The following ZNF536 variants were observed in gnomAD, a reference collection of about 807,000 sequenced individuals.
ZNF536 encodes the protein zinc finger protein 536.
Under a neutral mutation model 84.5 loss-of-function variants are expected in ZNF536, and 13 were observed. That is an observed-to-expected ratio of 0.15 (90% CI 0.10 to 0.24). The LOEUF is 0.24. ZNF536 is among the 10% of genes least tolerant of loss of function. ZNF536 has a pLI of 1.00. For synonymous variants in ZNF536, 811 were observed against 742.5 expected, an observed-to-expected ratio of 1.09 and a Z score of -1.50; for missense variants, 1,536 against 1,747.5, an observed-to-expected ratio of 0.88 and a Z score of 2.16.
At chr19:30,544,114 G>C (rs2045448924) in intron 3 of ZNF536, among the ~76,000 whole-genome samples, 1 of 152,198 alleles carries the variant, frequency 6.6e-6, no homozygotes, top group Non-Finnish European at 1.5e-5. Context: ...AAGGGGAAGG[G>C]TTTATCCCCT....
intron 1 of ZNF536, among the ~76,000 whole-genome samples, chr19:30,696,411 T>A (rs768702817): frequency 6.6e-6 from 1 of 152,256 alleles, no homozygotes; most frequent in Non-Finnish European, 1.5e-5. Flanking sequence ...AGTATTATTA[T>A]ATTACACATC....
chr19:30,375,376 T>G (rs2048774191), intron 1 of ZNF536, among the ~76,000 whole-genome samples: 1 of 151,984 alleles, frequency 6.6e-6, no homozygotes. Flanking sequence ...CGCCGCATAG[T>G]AATCACCCGC....
intron 2 of ZNF536, among the ~76,000 whole-genome samples, chr19:30,517,902 G>A (rs1397188350): frequency 6.6e-6 from 1 of 152,144 alleles, no homozygotes; most frequent in Non-Finnish European, 1.5e-5. Flanking sequence ...CATGATTTGG[G>A]GGTGCAAACA....
intron 1 of ZNF536, among the ~76,000 whole-genome samples, chr19:30,667,539 G>A (rs2050378497): frequency 6.6e-6 from 1 of 151,578 alleles, no homozygotes; most frequent in African/African-American, 2.4e-5. Context: ...GTCCCCAATG[G>A]CCTGGATCAA....
At chr19:30,343,929 TA>T (rs200693963) in intron 2 of ZNF536, among the ~76,000 whole-genome samples, 2 of 151,214 alleles carry the variant, frequency 1.3e-5, no homozygotes, top group Non-Finnish European at 3.0e-5. Context: ...TTTCAGTCCT[TA>T]AAAAAAAACT....
intron 1 of ZNF536, among the ~76,000 whole-genome samples, chr19:30,439,983 CAG>C (rs1452501947): frequency 2.2e-5 from 2 of 90,494 alleles, no homozygotes; most frequent in Admixed American, 1.8e-4. Context: ...TTTTTTTTGA[CAG>C]AGTCTCGCTC....
At chr19:30,480,944 A>G (rs1599527362) in intron 2 of ZNF536, among the ~76,000 whole-genome samples, 1 of 151,030 alleles carries the variant, frequency 6.6e-6, no homozygotes, top group Non-Finnish European at 1.5e-5. Flanking sequence ...CTGAGGCAGG[A>G]GAGTCGCCCG....
At chr19:30,492,851 A>G (rs2054561903) in intron 2 of ZNF536, among the ~76,000 whole-genome samples, 1 of 152,188 alleles carries the variant, frequency 6.6e-6, no homozygotes, top group Admixed American at 6.5e-5. Flanking sequence ...CCCTATCAGG[A>G]CCAGGTTCAC....
chr19:30,500,649 G>C (rs1038722331), intron 2 of ZNF536, among the ~76,000 whole-genome samples: 20 of 148,104 alleles, frequency 1.4e-4, no homozygotes, highest in African/African-American at 1.8e-4. Flanking sequence ...CCCCAGGCTT[G>C]CTCCTGGTTC....
At chr19:30,235,511 A>G (rs2023422098) in intron 1 of ZNF536, among the ~76,000 whole-genome samples, 1 of 152,238 alleles carries the variant, frequency 6.6e-6, no homozygotes, top group African/African-American at 2.4e-5. Flanking sequence ...CTAACAAGTA[A>G]CTATAGAGAC....
chr19:30,443,910 G>A lies in ZNF536; in HGVS notation c.348G>A (p.Gln116=), dbSNP rs2148160020. 1 of 1,613,682 alleles carries A rather than the reference G, an allele frequency of 6.2e-7. No individual in the cohort carries two copies. The highest frequency in any genetic ancestry group is 1.1e-5 in the South Asian group (1 of 91,084). ...GGCAGAACCTGGGCATCATGTCCCAGATGAGCGACATCGAGGACGACGCCC... is the reference window on the plus strand; with the variant it reads ...GGCAGAACCTGGGCATCATGTCCCAAATGAGCGACATCGAGGACGACGCCC... ...LNGQNLGIMS[Q]MSDIEDDARK... Residue 116 remains glutamine (Q), a synonymous_variant, in exon 2 of 5, where the codon CAG becomes CAA. Coordinates refer to ENST00000355537, the MANE Select transcript of ZNF536 (RefSeq NM_014717.3).
rs1257172873 is a variant in ZNF536, at chr19:30,548,576, C to T, written c.2957C>T (p.Ser986Phe). The stretch of plus-strand genomic sequence containing the variant: ...TTGTCTGTGCGGCCAGATGCCGCCT[C>T]CCTCCCGGGCTCCTCGGTAACTGTG... Reference protein sequence around the residue: ...LDLSVRPDAASLPGSSVTVQD... With the variant: ...LDLSVRPDAAFLPGSSVTVQD... Residue 986 changes from serine to phenylalanine, a missense_variant, in exon 4 of 5, where the codon TCC (serine) becomes TTC (phenylalanine). Coordinates refer to ENST00000355537, the MANE Select transcript of ZNF536 (RefSeq NM_014717.3). 7 of 1,614,156 alleles carry T rather than the reference C, an allele frequency of 4.3e-6. No individual in the cohort carries two copies. Among genetic ancestry groups the T allele is most frequent in the Non-Finnish European group, 5.9e-6 (7 of 1,180,038 alleles).
intron 2 of ZNF536, among the ~76,000 whole-genome samples, chr19:30,519,252 T>C (rs2044220403): frequency 6.6e-6 from 1 of 152,188 alleles, no homozygotes; most frequent in Non-Finnish European, 1.5e-5. Flanking sequence ...CCACCAGCCT[T>C]GCTGCAAAAT....
intron 3 of ZNF536, among the ~76,000 whole-genome samples, chr19:30,542,044 A>G (rs1268727966): frequency 6.6e-6 from 1 of 152,242 alleles, no homozygotes; most frequent in Non-Finnish European, 1.5e-5. Context: ...GAGGATGCAA[A>G]TACAGGAAAA....
chr19:30,242,985 G>A (rs1046681410), intron 1 of ZNF536, among the ~76,000 whole-genome samples: 7 of 151,804 alleles, frequency 4.6e-5, no homozygotes, highest in African/African-American at 9.7e-5. Flanking sequence ...CATACATATC[G>A]TATTTCACAT....
intron 1 of ZNF536, among the ~76,000 whole-genome samples, chr19:30,256,929 A>G (rs1187590752): frequency 1.3e-5 from 2 of 152,218 alleles, no homozygotes; most frequent in East Asian, 3.8e-4. Flanking sequence ...TCATTTTGGT[A>G]ATTATATCAA....
chr19:30,392,364 G>A (rs543071967), intron 1 of ZNF536, among the ~76,000 whole-genome samples: 38 of 152,274 alleles, frequency 2.5e-4, no homozygotes, highest in African/African-American at 8.7e-4. Context: ...TTCCATTAAG[G>A]AGACCACAGA....
intron 2 of ZNF536, among the ~76,000 whole-genome samples, chr19:30,488,614 G>A (rs555079018): frequency 1.4e-4 from 21 of 150,548 alleles, no homozygotes; most frequent in Admixed American, 9.3e-4. Context: ...TCTGAGCATC[G>A]AATCACATAG....
At position 30,665,018 on chromosome 19, in the gene ZNF536, T is replaced by C. The variant is rs116555632; in HGVS notation, c.170-45739T>C. ...AACACTTCAGGCCTGGAAAATAATATCCAGTAAAAAAATTAAAAGAAAGTT... is the reference window on the plus strand; with the variant it reads ...AACACTTCAGGCCTGGAAAATAATACCCAGTAAAAAAATTAAAAGAAAGTT... On this transcript the variant is annotated intron_variant, in intron 1 of 1. Transcript: ENST00000592773. Among the ~76,000 whole-genome samples the C allele has an allele frequency of 4.2e-3, 636 of 152,194 alleles. 8 individuals are homozygous for C. The highest frequency in any genetic ancestry group is 0.014 in the African/African-American group (593 of 41,532).
Sources: allele counts gnomAD v4.1 joint callset (sites outside exome capture counted in the v4.1 genomes callset), GRCh38; gene constraint gnomAD v4.1.1; transcripts MANE v1.5; gene names NCBI Gene and HGNC (gene_info 2026-07-23, HGNC 2026-07-21).